TMIGD3: variants seen among roughly 807,000 people sequenced by gnomAD.
The protein encoded by TMIGD3 is AD026 protein (AD026).
In TMIGD3, 21 loss-of-function variants were observed where a neutral mutation model predicts 28.1. That is an observed-to-expected ratio of 0.75 (90% CI 0.53 to 1.08). The LOEUF (loss-of-function observed/expected upper bound fraction) is 1.08. TMIGD3 is among the 50% of genes least tolerant of loss of function. TMIGD3 has a pLI of 0.00. For missense variants in TMIGD3, 416 were observed against 435.6 expected, an observed-to-expected ratio of 0.96 and a Z score of 0.40; for synonymous variants, 151 against 162.1, an observed-to-expected ratio of 0.93 and a Z score of 0.52.
intron 1 of TMIGD3, among the ~76,000 whole-genome samples, chr1:111,537,823 T>A (rs1422712292): frequency 6.6e-6 from 1 of 152,230 alleles, no homozygotes; most frequent in African/African-American, 2.4e-5. Flanking sequence ...ATTAAAACAA[T>A]GTAATTAGCA....
At chr1:111,528,882 A>G (rs1049205526) in intron 1 of TMIGD3, among the ~76,000 whole-genome samples, 1 of 152,062 alleles carries the variant, frequency 6.6e-6, no homozygotes, top group African/African-American at 2.4e-5. Context: ...AAACTTCTTC[A>G]TAATTGGTTA....
chr1:111,557,206 A>G (rs989272539), intron 1 of TMIGD3, among the ~76,000 whole-genome samples: 8 of 152,322 alleles, frequency 5.3e-5, no homozygotes, highest in African/African-American at 1.7e-4. Flanking sequence ...CATTTCTTCA[A>G]AAGACTGAAA....
At chr1:111,499,330 T>C in intron 1 of TMIGD3, 1 of 723,230 alleles carries the variant, frequency 1.4e-6, no homozygotes. Context: ...AAGGTGAGTA[T>C]GCCAACACAT....
At chr1:111,534,653 A>G (rs1201567615) in intron 1 of TMIGD3, among the ~76,000 whole-genome samples, 1 of 152,182 alleles carries the variant, frequency 6.6e-6, no homozygotes, top group Non-Finnish European at 1.5e-5. Context: ...TCCCTCAGGG[A>G]AGGTCTATGT....
chr1:111,543,426 C>T (rs570576705), intron 1 of TMIGD3, among the ~76,000 whole-genome samples: 1 of 152,316 alleles, frequency 6.6e-6, no homozygotes, highest in African/African-American at 2.4e-5. Flanking sequence ...CTATTCGCCA[C>T]TCAGCAACCA....
At chr1:111,541,004 C>T (rs1656804078) in intron 1 of TMIGD3, among the ~76,000 whole-genome samples, 1 of 144,272 alleles carries the variant, frequency 6.9e-6, no homozygotes, top group Non-Finnish European at 1.5e-5. Context: ...ATATTTTAGG[C>T]ATTGGAAGCC....
chr1:111,508,338 TGAAA>T (rs983232637), upstream of TMIGD3, among the ~76,000 whole-genome samples: 28 of 152,174 alleles, frequency 1.8e-4, no homozygotes, highest in Non-Finnish European at 1.3e-4. Flanking sequence ...TTCAAGTGTC[TGAAA>T]GAGTGACTCC....
At chr1:111,494,380 C>T (rs72991740) in intron 1 of TMIGD3, among the ~76,000 whole-genome samples, 5,030 of 152,250 alleles carry the variant, frequency 0.033, 283 homozygotes, top group African/African-American at 0.11. Flanking sequence ...AAAACAAAAT[C>T]AATGTGTAAA....
chr1:111,563,660 C>A (rs368999683), intron 1 of TMIGD3, among the ~76,000 whole-genome samples: 3 of 152,220 alleles, frequency 2.0e-5, no homozygotes, highest in African/African-American at 7.2e-5. Context: ...AGCATTTTCA[C>A]GTATATTATG....
intron 1 of TMIGD3, among the ~76,000 whole-genome samples, chr1:111,557,000 T>C (rs2101042502): frequency 6.6e-6 from 1 of 152,188 alleles, no homozygotes; most frequent in East Asian, 1.9e-4. Flanking sequence ...GATGCAAATA[T>C]TCAACTTAAG....
intron 1 of TMIGD3, among the ~76,000 whole-genome samples, chr1:111,514,039 A>G (rs993263076): frequency 6.6e-6 from 1 of 152,212 alleles, no homozygotes; most frequent in African/African-American, 2.4e-5. Context: ...CATGGGCCTC[A>G]CAACCCCGTC....
intron 1 of TMIGD3, among the ~76,000 whole-genome samples, chr1:111,527,493 C>A (rs7551308): frequency 0.021 from 3,137 of 152,142 alleles, 54 homozygotes; most frequent in Non-Finnish European, 0.033. Flanking sequence ...TTTCTGTGGA[C>A]GTAAATTTTC....
chr1:111,549,162 G>T (rs940415580), intron 1 of TMIGD3, among the ~76,000 whole-genome samples: 2 of 152,086 alleles, frequency 1.3e-5, no homozygotes, highest in Non-Finnish European at 1.5e-5. Context: ...TCTTTGTCTG[G>T]TGTTAGTATT....
upstream of TMIGD3, chr1:111,504,818 AC>A: frequency 1.0e-6 from 1 of 977,114 alleles, no homozygotes; most frequent in Non-Finnish European, 1.2e-6. Flanking sequence ...TCCACTCCCG[AC>A]CCCCACCCTG....
Position 111,488,603 on chromosome 1 carries a change from A to G in TMIGD3, c.805+74T>C, listed in dbSNP as rs1654498667. On this transcript the variant is annotated intron_variant, in intron 3 of 5. Coordinates refer to ENST00000369716, the MANE Select transcript of TMIGD3 (RefSeq NM_020683.7). ...GTCTGAGTTGGGGCTCACTGGCTTCAGAGAGTGCTCTCTTAGCAGCAAACA... is the reference window on the plus strand; with the variant it reads ...GTCTGAGTTGGGGCTCACTGGCTTCGGAGAGTGCTCTCTTAGCAGCAAACA... 3 of 1,394,992 alleles carry G rather than the reference A, an allele frequency of 2.2e-6. No individual in the cohort carries two copies. The Admixed American group carries it at 5.7e-5, about 27-fold the overall frequency. The allele number at this position is 1,394,992 out of a possible 1,614,324, so 86.4% of individuals were successfully genotyped here. A position where few individuals can be genotyped will look rare whatever the true frequency, so the allele number is the denominator to read the frequency against.
At chr1:111,499,421 C>T in intron 1 of TMIGD3, 2 of 990,522 alleles carry the variant, frequency 2.0e-6, no homozygotes, top group Non-Finnish European at 2.4e-6. Context: ...CAAAGAGCTA[C>T]ACTCCAGTTA....
At chr1:111,502,645 A>AT (rs1655299600) in intron 1 of TMIGD3, among the ~76,000 whole-genome samples, 1 of 150,854 alleles carries the variant, frequency 6.6e-6, no homozygotes, top group Admixed American at 6.7e-5. Flanking sequence ...TCCTAAAATA[A>AT]TAAGTCTTAT....
intron 1 of TMIGD3, among the ~76,000 whole-genome samples, chr1:111,554,487 T>C (rs1657401574): frequency 6.6e-6 from 1 of 152,238 alleles, no homozygotes. Flanking sequence ...ATCCAGAGCA[T>C]TTGTTTCAGT....
At chr1:111,546,532 T>C (rs935531282) in intron 1 of TMIGD3, among the ~76,000 whole-genome samples, 13 of 152,208 alleles carry the variant, frequency 8.5e-5, no homozygotes, top group Non-Finnish European at 1.5e-4. Context: ...CTTGTCCTTT[T>C]GTGACTGCCT....
Sources: allele counts gnomAD v4.1 joint callset (sites outside exome capture counted in the v4.1 genomes callset), GRCh38; gene constraint gnomAD v4.1.1; transcripts MANE v1.5; gene names NCBI Gene and HGNC (gene_info 2026-07-23, HGNC 2026-07-21).